TMEM131: variants seen among roughly 807,000 people sequenced by gnomAD.
The protein encoded by TMEM131 is 2610524E03Rik.
In TMEM131, 66 loss-of-function variants were observed where a neutral mutation model predicts 211.6. The ratio of observed to expected loss-of-function variants is 0.31; its 90% CI spans 0.26 to 0.38. The LOEUF is 0.38. Ranked by LOEUF, TMEM131 falls within the 10% of genes least tolerant of loss-of-function variation. TMEM131 has a pLI of 1.00. For synonymous variants in TMEM131, 844 were observed against 841.3 expected, an observed-to-expected ratio of 1.00 and a Z score of -0.06; for missense variants, 2,036 against 2,299.3, an observed-to-expected ratio of 0.89 and a Z score of 2.34.
At chr2:97,989,699 A>C (rs1000391921) in intron 1 of TMEM131, among the ~76,000 whole-genome samples, 3 of 152,216 alleles carry the variant, frequency 2.0e-5, no homozygotes, top group African/African-American at 7.2e-5. Context: ...GACCATCTAA[A>C]AGATCCTCTT....
intron 38 of TMEM131, 105 bp downstream of exon 38, chr2:97,760,488 T>C: frequency 1.8e-6 from 2 of 1,092,926 alleles, no homozygotes; most frequent in East Asian, 5.2e-5. Flanking sequence ...TGCCTCCTTG[T>C]AAATTAGGGG....
intron 1 of TMEM131, among the ~76,000 whole-genome samples, chr2:97,957,213 A>G (rs1429224110): frequency 6.6e-6 from 1 of 152,230 alleles, no homozygotes; most frequent in East Asian, 1.9e-4. Flanking sequence ...GAAAGACACC[A>G]AATTTGGCAA....
intron 4 of TMEM131, among the ~76,000 whole-genome samples, chr2:97,868,234 G>C (rs1674349666): frequency 1.3e-5 from 2 of 152,002 alleles, no homozygotes; most frequent in Admixed American, 1.3e-4. Context: ...GCCCTTTCAC[G>C]GTTCTTTTGG....
chr2:97,844,257 AT>A lies in TMEM131; in HGVS notation c.487del (p.Ile163PhefsTer11). The A allele has an allele frequency of 8.3e-7, 1 of 1,211,992 alleles. No homozygotes were observed. Among genetic ancestry groups the A allele is most frequent in the Non-Finnish European group, 1.1e-6 (1 of 924,126 alleles). The allele number at this position is 1,211,992 out of a possible 1,614,324, so 75.1% of individuals were successfully genotyped here. ...FHASFFQNRK[I>X]LPGGNTSFDV... is the part of the protein sequence containing the mutation. ...AAATGATGTATTTCCTCCTGGAAGA[AT>A]TTTCTGAAACAGAAAATAAAGTTAA... is the stretch of plus-strand genomic sequence containing the variant. On this transcript the variant is annotated frameshift_variant, in exon 6 of 41. Transcript: ENST00000186436. LOFTEE classifies it high-confidence loss of function.
chr2:97,794,954 T>A lies in TMEM131; in HGVS notation c.3362A>T (p.Tyr1121Phe). Reference sequence around the variant, plus strand: ...CCTCATTATTCCTGAGATGATGATATACAGAGCCAGTTCCCAGTTAGGTCT... The same window carrying A: ...CCTCATTATTCCTGAGATGATGATAAACAGAGCCAGTTCCCAGTTAGGTCT... Reference protein sequence around the residue: ...LPRPNWELALYIIISGIMSAL... With the variant: ...LPRPNWELALFIIISGIMSAL... The change falls in exon 29 of 41, where the codon TAT (tyrosine) becomes TTT (phenylalanine). Residue 1121 changes from tyrosine to phenylalanine, a missense_variant. By Grantham distance (22) the Tyr-to-Phe change is conservative. Transcript: ENST00000186436. 6.3e-7 allele frequency: 1 copy of A among 1,598,920 alleles called. No individual in the cohort carries two copies. The highest frequency in any genetic ancestry group is 1.1e-5 in the South Asian group (1 of 88,922).
intron 3 of TMEM131, among the ~76,000 whole-genome samples, chr2:97,893,923 T>G (rs1675492644): frequency 6.6e-6 from 1 of 152,240 alleles, no homozygotes; most frequent in South Asian, 2.1e-4. Flanking sequence ...TGCCATTGCT[T>G]CTGGTGTTTT....
intron 1 of TMEM131, among the ~76,000 whole-genome samples, chr2:97,987,185 A>G (rs1680062861): frequency 6.6e-6 from 1 of 152,252 alleles, no homozygotes; most frequent in Non-Finnish European, 1.5e-5. Flanking sequence ...AAACTGCCAT[A>G]TCACTTTGCA....
At position 97,797,491 on chromosome 2, in the gene TMEM131, C is replaced by T. The variant is rs1680823748; in HGVS notation, c.2744G>A (p.Gly915Glu). The change falls in exon 26 of 41, where the codon GGA (glycine) becomes GAA (glutamate). Residue 915 changes from glycine (G) to glutamate (E), a missense_variant. Around this residue, in one of 3 missense-constraint regions of TMEM131, gnomAD observed 1,623 missense variants for 1,805.9 expected, o/e 0.90. Coordinates refer to ENST00000186436, the MANE Select transcript of TMEM131 (RefSeq NM_015348.2). ...NSAHPLQSST[G>E]FMEGLSRHLI... is the part of the protein sequence containing the mutation. ...ATGTCGAGAGAGGCCCTCCATAAAT[C>T]CTGTTGAACTCTGCAGTGGATGAGC... is the stretch of plus-strand genomic sequence containing the variant. 1 of 1,613,102 alleles carries T rather than the reference C, an allele frequency of 6.2e-7. No homozygotes were observed. The highest frequency in any genetic ancestry group is 1.3e-5 in the African/African-American group (1 of 74,854).
intron 1 of TMEM131, among the ~76,000 whole-genome samples, chr2:97,951,506 G>A (rs1305708989): frequency 2.6e-5 from 4 of 152,184 alleles, no homozygotes; most frequent in African/African-American, 9.7e-5. Flanking sequence ...CTGGGCCACT[G>A]TTGTGGGCAG....
intron 7 of TMEM131, among the ~76,000 whole-genome samples, chr2:97,841,521 T>G (rs1444416774): frequency 9.2e-5 from 14 of 152,166 alleles, no homozygotes; most frequent in Admixed American, 6.5e-4. Context: ...CTTGTGTAGC[T>G]AAAAACTCTT....
At chr2:97,765,781 A>G (rs1679133045) in intron 35 of TMEM131, among the ~76,000 whole-genome samples, 1 of 152,222 alleles carries the variant, frequency 6.6e-6, no homozygotes, top group South Asian at 2.1e-4. Context: ...ATACTTGTAT[A>G]AGGCAAACAA....
chr2:97,788,536 G>A (rs988233649), intron 31 of TMEM131, among the ~76,000 whole-genome samples: 3 of 152,094 alleles, frequency 2.0e-5, no homozygotes, highest in African/African-American at 4.8e-5. Flanking sequence ...GCACACCTGC[G>A]GACTGTCCAT....
chr2:97,979,904 T>C (rs1679710823), intron 1 of TMEM131, among the ~76,000 whole-genome samples: 1 of 152,222 alleles, frequency 6.6e-6, no homozygotes. Context: ...CTAAGCTTAA[T>C]CATATCTAGC....
chr2:97,842,371 T>C (rs146335232), intron 6 of TMEM131, among the ~76,000 whole-genome samples: 1 of 152,298 alleles, frequency 6.6e-6, no homozygotes, highest in African/African-American at 2.4e-5. Context: ...ATATTATTAA[T>C]ATATTGCTAT....
intron 2 of TMEM131, among the ~76,000 whole-genome samples, chr2:97,917,603 G>A (rs916454448): frequency 6.6e-6 from 1 of 152,130 alleles, no homozygotes; most frequent in Non-Finnish European, 1.5e-5. Context: ...GGCTTGGGAC[G>A]CCTCAGAAAA....
chr2:97,807,518 AAGGCCCTCACCAATGC>A (rs1195004847), intron 19 of TMEM131, among the ~76,000 whole-genome samples: 1 of 152,196 alleles, frequency 6.6e-6, no homozygotes, highest in Non-Finnish European at 1.5e-5. Flanking sequence ...GAAGCAGCCT[AAGGCCCTCACCAATGC>A]AGACACTGGG....
intron 3 of TMEM131, among the ~76,000 whole-genome samples, chr2:97,906,665 C>T (rs891832481): frequency 2.0e-5 from 3 of 152,176 alleles, no homozygotes; most frequent in African/African-American, 7.2e-5. Context: ...TACATATAGG[C>T]ATTCTAGTTG....
At chr2:97,831,942 C>T (rs1325632537) in intron 11 of TMEM131, among the ~76,000 whole-genome samples, 3 of 134,094 alleles carry the variant, frequency 2.2e-5, no homozygotes, top group Non-Finnish European at 4.6e-5. Context: ...GCTGGGATTA[C>T]AGGCGTGAGG....
chr2:97,905,728 A>T (rs753246162), intron 3 of TMEM131, among the ~76,000 whole-genome samples: 13 of 152,150 alleles, frequency 8.5e-5, no homozygotes, highest in Non-Finnish European at 1.3e-4. Flanking sequence ...TCTTTTTCAT[A>T]CTGTCCATTT....
Sources: gnomAD v4.1 joint callset for allele counts (sites outside exome capture counted in the v4.1 genomes callset) on GRCh38, gnomAD v4.1.1 for gene constraint, gnomAD v4.1.1 regional missense constraint, MANE v1.5 for transcripts, NCBI Gene and HGNC (gene_info 2026-07-23, HGNC 2026-07-21) for gene names.